Variants in TBC1D32 observed in about 807,000 individuals in gnomAD.
The protein encoded by TBC1D32 is protein broad-minded.
Under a neutral mutation model 170.3 loss-of-function variants are expected in TBC1D32, and 151 were observed. That is an observed-to-expected ratio of 0.89 (90% CI 0.78 to 1.01). The LOEUF (loss-of-function observed/expected upper bound fraction) is 1.01, where lower values mean the gene tolerates loss of function less well. Ranked by LOEUF, TBC1D32 falls within the 50% of genes least tolerant of loss-of-function variation. TBC1D32 has a pLI of 0.00. For missense variants in TBC1D32, 1,464 were observed against 1,457.1 expected, an observed-to-expected ratio of 1.00 and a Z score of -0.08; for synonymous variants, 498 against 488.0, an observed-to-expected ratio of 1.02 and a Z score of -0.27.
chr6:121,155,834 A>C (rs2797954), intron 24 of TBC1D32, among the ~76,000 whole-genome samples: 132,100 of 152,080 alleles, frequency 0.87, 59,581 homozygotes, highest in Non-Finnish European at 0.98. Flanking sequence ...GATGAACCAA[A>C]CTTGCATCTC....
rs1048671420 is a variant in TBC1D32 at position 121,247,585 on chromosome 6, T to C, written c.2019-5246A>G. On this transcript the variant is annotated intron_variant, in intron 17 of 31. Coordinates refer to ENST00000398212, the MANE Select transcript of TBC1D32 (RefSeq NM_152730.6). Reference sequence around the variant, plus strand: ...GTCTTCAAGAGACTCACTTAACACATGACTCACATAAACTTGAGGTAAAGG... The same window carrying C: ...GTCTTCAAGAGACTCACTTAACACACGACTCACATAAACTTGAGGTAAAGG... Among the ~76,000 whole-genome samples, 3 of 147,692 alleles carry C rather than the reference T, an allele frequency of 2.0e-5. No individual in the cohort carries two copies. The Admixed American group carries it at 2.1e-4, about 10-fold the overall frequency.
intron 25 of TBC1D32, among the ~76,000 whole-genome samples, chr6:121,128,229 C>A (rs1426759630): frequency 6.6e-6 from 1 of 152,128 alleles, no homozygotes; most frequent in Admixed American, 6.6e-5. Context: ...TGCCCAGCAA[C>A]CCTTATGAAC....
chr6:121,183,848 A>G (rs951641970), intron 22 of TBC1D32, among the ~76,000 whole-genome samples: 1 of 152,010 alleles, frequency 6.6e-6, no homozygotes, highest in Non-Finnish European at 1.5e-5. Flanking sequence ...TAAAAAAACT[A>G]CCCATATGAT....
At position 121,092,136 on chromosome 6, in the gene TBC1D32, G is replaced by A. The variant is rs185802923; in HGVS notation, c.3466-1095C>T. On this transcript the variant is annotated intron_variant, in intron 30 of 31. Coordinates refer to ENST00000398212, the MANE Select transcript of TBC1D32 (RefSeq NM_152730.6). Reference sequence around the variant, plus strand: ...AACTGTGAGAAAATAAATTTCTGTTGTTTTTAGCCACCAAGTTCATGGTAC... The same window carrying A: ...AACTGTGAGAAAATAAATTTCTGTTATTTTTAGCCACCAAGTTCATGGTAC... 2.4e-4 allele frequency among the ~76,000 whole-genome samples: 36 copies of A among 152,098 alleles called. 1 individual carries two copies. Among genetic ancestry groups the A allele is most frequent in the Non-Finnish European group, 4.1e-4 (28 of 67,968 alleles).
At chr6:121,160,923 C>G (rs1184128906) in intron 23 of TBC1D32, 25 bp downstream of exon 23, 2 of 1,577,378 alleles carry the variant, frequency 1.3e-6, no homozygotes, top group Non-Finnish European at 1.7e-6. Flanking sequence ...AAAACACATC[C>G]CACTTCTCTT....
intron 12 of TBC1D32, among the ~76,000 whole-genome samples, chr6:121,291,429 C>CA (rs905789715): frequency 3.8e-4 from 57 of 148,660 alleles, no homozygotes; most frequent in Admixed American, 7.4e-4. Flanking sequence ...TGGTGCTTTA[C>CA]AAAAAAAAAC....
chr6:121,129,831 T>A, intron 25 of TBC1D32: 1 of 421,504 alleles, frequency 2.4e-6, no homozygotes, highest in Non-Finnish European at 4.6e-6. Flanking sequence ...ATACTATTGG[T>A]AATAATCAGA....
chr6:121,121,491 C>T (rs1459269236), intron 26 of TBC1D32, among the ~76,000 whole-genome samples: 1 of 152,032 alleles, frequency 6.6e-6, no homozygotes, highest in East Asian at 1.9e-4. Flanking sequence ...ACTTTCTTCA[C>T]TGTCTCTTTA....
intron 24 of TBC1D32, among the ~76,000 whole-genome samples, chr6:121,156,169 G>T (rs1256610619): frequency 6.7e-6 from 1 of 150,150 alleles, no homozygotes. Flanking sequence ...GTTAGGCTTT[G>T]TATTACTGAT....
At chr6:121,309,725 A>G (rs891093361) in intron 4 of TBC1D32, among the ~76,000 whole-genome samples, 1 of 152,140 alleles carries the variant, frequency 6.6e-6, no homozygotes, top group African/African-American at 2.4e-5. Flanking sequence ...ATTCAATATA[A>G]TTGCTTCTCT....
intron 5 of TBC1D32, among the ~76,000 whole-genome samples, chr6:121,306,551 C>T (rs1282255998): frequency 1.3e-5 from 2 of 152,110 alleles, no homozygotes; most frequent in East Asian, 3.9e-4. Context: ...CTATGCCAAA[C>T]ATCATATCGA....
rs1785534780 is a variant in TBC1D32, at chr6:121,160,851, C to T, written c.2679+97G>A. ...AATAAGTTCAACTCTGTGATGTAGA[C>T]ATTTAAGAGGTAAAGTTTAGGGTGA... On this transcript the variant is annotated intron_variant, in intron 23 of 31. Transcript: ENST00000398212. The T allele has an allele frequency of 3.5e-6, 3 of 853,522 alleles. No individual in the cohort carries two copies. In the East Asian group the frequency reaches 7.3e-5, roughly 21 times the overall value. The allele number at this position is 853,522 out of a possible 1,614,324, so 52.9% of individuals were successfully genotyped here. A position where few individuals can be genotyped will look rare whatever the true frequency, so the allele number is the denominator to read the frequency against.
chr6:121,103,485 C>A (rs1778361624), intron 30 of TBC1D32, among the ~76,000 whole-genome samples: 1 of 149,026 alleles, frequency 6.7e-6, no homozygotes, highest in Non-Finnish European at 1.5e-5. Context: ...ATTGCAAGGA[C>A]AGAAAACCAA....
intron 24 of TBC1D32, among the ~76,000 whole-genome samples, chr6:121,140,842 A>C (rs1782698233): frequency 6.6e-6 from 1 of 152,158 alleles, no homozygotes; most frequent in East Asian, 1.9e-4. Flanking sequence ...CTAACTCAAG[A>C]AGCTTTCTAA....
chr6:121,190,461 A>T (rs1273771), intron 22 of TBC1D32, among the ~76,000 whole-genome samples: 5,360 of 139,484 alleles, frequency 0.038, 351 homozygotes, highest in African/African-American at 0.14. Context: ...TCCACCCCAC[A>T]TCTACCTACT....
chr6:121,084,398 G>A (rs1480380513), intron 31 of TBC1D32, among the ~76,000 whole-genome samples: 1 of 152,036 alleles, frequency 6.6e-6, no homozygotes, highest in African/African-American at 2.4e-5. Context: ...CATAAATAAT[G>A]AGAACACATT....
At chr6:121,103,405 TA>T (rs1342634820) in intron 30 of TBC1D32, among the ~76,000 whole-genome samples, 3 of 151,434 alleles carry the variant, frequency 2.0e-5, no homozygotes, top group Non-Finnish European at 4.4e-5. Flanking sequence ...TATGCAGCCA[TA>T]AAAAAGGATG....
At position 121,100,823 on chromosome 6, in the gene TBC1D32, G is replaced by A. The variant is rs575153133; in HGVS notation, c.3465+5200C>T. Among the ~76,000 whole-genome samples the A allele has an allele frequency of 9.2e-4, 140 of 151,754 alleles. No individual in the cohort carries two copies. In the East Asian group the frequency reaches 0.011, roughly 12 times the overall value. On this transcript the variant is annotated intron_variant, in intron 30 of 31. Coordinates refer to ENST00000398212, the MANE Select transcript of TBC1D32 (RefSeq NM_152730.6). ...GCTGTTTTTTTGAAAAGATCAACAAGATTGATAGACTGCTAGCCAGACTAA... is the reference window on the plus strand; with the variant it reads ...GCTGTTTTTTTGAAAAGATCAACAAAATTGATAGACTGCTAGCCAGACTAA...
At position 121,294,590 on chromosome 6, in the gene TBC1D32, A is replaced by G. The variant is rs1397552049; in HGVS notation, c.1211T>C (p.Leu404Ser). The G allele has an allele frequency of 6.2e-7, 1 of 1,612,144 alleles. No individual in the cohort carries two copies. The highest frequency in any genetic ancestry group is 2.2e-5 in the East Asian group (1 of 44,726). The change falls in exon 11 of 32, where the codon TTG becomes TCG. Residue 404 changes from leucine to serine, a missense_variant. By Grantham distance (145) the Leu-to-Ser change is moderately radical. Around this residue, in one of 3 missense-constraint regions of TBC1D32, gnomAD observed 1,363 missense variants for 1,338.1 expected, o/e 1.02. Transcript: ENST00000398212. ...MCKTRKADET[L>S]GHSKHCRNKQ... ...CTTACTGCAATGCTTTGAATGTCCCAAAGTTTCATCAGCTTTCCTAGTCTT... is the reference window on the plus strand; with the variant it reads ...CTTACTGCAATGCTTTGAATGTCCCGAAGTTTCATCAGCTTTCCTAGTCTT...
Sources: allele counts gnomAD v4.1 joint callset (sites outside exome capture counted in the v4.1 genomes callset), GRCh38; gene constraint gnomAD v4.1.1; regional missense constraint gnomAD v4.1.1; transcripts MANE v1.5; gene names NCBI Gene and HGNC (gene_info 2026-07-23, HGNC 2026-07-21).